CCDC148: variants seen among roughly 807,000 people sequenced by gnomAD.
CCDC148 encodes the protein coiled-coil domain-containing protein 148.
In CCDC148, 89 loss-of-function variants were observed where a neutral mutation model predicts 85.7. The observed-to-expected ratio is 1.04, with a 90% confidence interval of 0.87 to 1.24. The LOEUF (loss-of-function observed/expected upper bound fraction) is 1.24, where lower values mean the gene tolerates loss of function less well. CCDC148 is among the 50% of genes most tolerant of loss of function. The pLI is 0.00. For synonymous variants in CCDC148, 230 were observed against 213.9 expected (o/e 1.08, Z -0.66); for missense variants, 692 against 671.7 (o/e 1.03, Z -0.33).
At chr2:158,331,449 A>G (rs574197596) in intron 7 of CCDC148, among the ~76,000 whole-genome samples, 5 of 152,222 alleles carry the variant, frequency 3.3e-5, no homozygotes, top group South Asian at 4.2e-4. Flanking sequence ...TTTTGGAATA[A>G]GTGTGGTGTG....
intron 1 of CCDC148, among the ~76,000 whole-genome samples, chr2:158,446,591 C>T (rs1467927716): frequency 6.6e-6 from 1 of 151,682 alleles, no homozygotes; most frequent in East Asian, 1.9e-4. Context: ...GTGTTTATGC[C>T]ATTATTTTTA....
intron 11 of CCDC148, among the ~76,000 whole-genome samples, chr2:158,197,229 A>G (rs1484288060): frequency 1.3e-5 from 2 of 152,186 alleles, no homozygotes; most frequent in Non-Finnish European, 2.9e-5. Flanking sequence ...GAATTCAATG[A>G]GAGAAAATTA....
chr2:158,432,440 C>T (rs962463476), intron 1 of CCDC148, among the ~76,000 whole-genome samples: 1 of 152,024 alleles, frequency 6.6e-6, no homozygotes, highest in Admixed American at 6.6e-5. Context: ...AGATATACCA[C>T]AAAAATACTA....
At chr2:158,399,303 C>T (rs1169494871) in intron 1 of CCDC148, among the ~76,000 whole-genome samples, 5 of 152,118 alleles carry the variant, frequency 3.3e-5, no homozygotes, top group Non-Finnish European at 7.3e-5. Flanking sequence ...ATACAAAAGC[C>T]TGGCAGAGAC....
chr2:158,213,299 T>C (rs1367053008), intron 11 of CCDC148, among the ~76,000 whole-genome samples: 1 of 152,174 alleles, frequency 6.6e-6, no homozygotes, highest in Non-Finnish European at 1.5e-5. Flanking sequence ...CTTTTAGAGA[T>C]CTTTAAAATT....
intron 9 of CCDC148, among the ~76,000 whole-genome samples, chr2:158,305,023 G>A (rs374848632): frequency 1.2e-4 from 19 of 152,244 alleles, no homozygotes; most frequent in African/African-American, 4.6e-4. Context: ...TTTCTCCATA[G>A]ATCTCACAGA....
chr2:158,297,496 T>C (rs1691246022), intron 9 of CCDC148, among the ~76,000 whole-genome samples: 1 of 152,178 alleles, frequency 6.6e-6, no homozygotes, highest in Non-Finnish European at 1.5e-5. Flanking sequence ...ACCAGGAGAA[T>C]GATGAATCAT....
At chr2:158,418,968 A>G (rs1217464031) in intron 1 of CCDC148, among the ~76,000 whole-genome samples, 2 of 152,142 alleles carry the variant, frequency 1.3e-5, no homozygotes, top group Non-Finnish European at 2.9e-5. Flanking sequence ...TCCATTTTTT[A>G]GGGTCATATA....
At chr2:158,346,931 T>C (rs905968512) in intron 2 of CCDC148, among the ~76,000 whole-genome samples, 1 of 145,084 alleles carries the variant, frequency 6.9e-6, no homozygotes, top group Admixed American at 6.8e-5. Context: ...TTTTAAAAAA[T>C]ACAAAGTCAA....
chr2:158,189,704 T>A (rs905620307), intron 11 of CCDC148, among the ~76,000 whole-genome samples: 5 of 151,914 alleles, frequency 3.3e-5, no homozygotes, highest in African/African-American at 1.2e-4. Flanking sequence ...TACCTTTCCA[T>A]AAGCAAGCAA....
chr2:158,444,975 C>G (rs985754119), intron 1 of CCDC148, among the ~76,000 whole-genome samples: 2 of 151,894 alleles, frequency 1.3e-5, no homozygotes, highest in Non-Finnish European at 1.5e-5. Flanking sequence ...GATATAAACT[C>G]TTAGATACAG....
chr2:158,419,238 T>C (rs1686652361), intron 1 of CCDC148, among the ~76,000 whole-genome samples: 4 of 152,196 alleles, frequency 2.6e-5, no homozygotes, highest in African/African-American at 9.6e-5. Context: ...AAACTCACAA[T>C]GCCTAATTTT....
intron 7 of CCDC148, among the ~76,000 whole-genome samples, chr2:158,330,272 G>A (rs35037484): frequency 1.4e-3 from 219 of 152,068 alleles, no homozygotes; most frequent in African/African-American, 5.0e-3. Context: ...TAATCATATG[G>A]TTTTTGTCTT....
intron 7 of CCDC148, among the ~76,000 whole-genome samples, chr2:158,329,036 G>A (rs1209961434): frequency 5.3e-5 from 8 of 152,128 alleles, no homozygotes; most frequent in Non-Finnish European, 1.0e-4. Flanking sequence ...CCATTTGTCA[G>A]TTTTGGCTTT....
chr2:158,433,660 T>G (rs1176306893), intron 1 of CCDC148, among the ~76,000 whole-genome samples: 1 of 152,140 alleles, frequency 6.6e-6, no homozygotes, highest in Admixed American at 6.5e-5. Flanking sequence ...AAGTGTGAGC[T>G]GAAGCATGGT....
At chr2:158,341,549 A>G (rs969562205) in intron 3 of CCDC148, among the ~76,000 whole-genome samples, 1 of 152,132 alleles carries the variant, frequency 6.6e-6, no homozygotes, top group Non-Finnish European at 1.5e-5. Context: ...TCCTGACCTC[A>G]GGTGATCCGC....
intron 9 of CCDC148, among the ~76,000 whole-genome samples, chr2:158,275,846 TTCCAGACAGAC>T (rs1376947916): frequency 6.6e-6 from 1 of 152,154 alleles, no homozygotes; most frequent in Non-Finnish European, 1.5e-5. Context: ...ACAATGGAAG[TTCCAGACAGAC>T]TCTTCTATGC....
intron 1 of CCDC148, among the ~76,000 whole-genome samples, chr2:158,370,956 G>A (rs944844364): frequency 6.6e-6 from 1 of 151,338 alleles, no homozygotes; most frequent in Non-Finnish European, 1.5e-5. Context: ...TTTAACACTG[G>A]CAATTTCTGG....
At chr2:158,357,426 T>C (rs1474421916) in intron 2 of CCDC148, among the ~76,000 whole-genome samples, 4 of 152,168 alleles carry the variant, frequency 2.6e-5, no homozygotes, top group African/African-American at 9.7e-5. Context: ...GAGAAAAGTA[T>C]ACATGATTTC....
Sources: allele counts gnomAD v4.1 joint callset (sites outside exome capture counted in the v4.1 genomes callset), GRCh38; gene constraint gnomAD v4.1.1; transcripts MANE v1.5; gene names NCBI Gene and HGNC (gene_info 2026-07-23, HGNC 2026-07-21).